Variants in RPTOR observed in about 807,000 individuals in gnomAD.
RPTOR encodes the protein regulatory-associated protein of mTOR.
RPTOR carries 21 observed loss-of-function variants against 169.9 expected under a neutral mutation model. The observed-to-expected ratio is 0.12, with a 90% CI of 0.09 to 0.18. The LOEUF (loss-of-function observed/expected upper bound fraction) is 0.18, where lower values mean the gene tolerates loss of function less well. Ranked by LOEUF, RPTOR falls within the 10% of genes least tolerant of loss-of-function variation. The pLI, the probability that RPTOR is intolerant of heterozygous loss-of-function variation, is 1.00. For missense variants in RPTOR, 1,133 were observed against 1,855.9 expected (o/e 0.61, Z 7.16); for synonymous variants, 732 against 753.2 (o/e 0.97, Z 0.46).
At chr17:80,595,451 C>T (rs895623564) in intron 1 of RPTOR, among the ~76,000 whole-genome samples, 2 of 147,916 alleles carry the variant, frequency 1.4e-5, no homozygotes, top group Admixed American at 6.8e-5. Flanking sequence ...GTCATCTTAG[C>T]AGACAGGGTT....
chr17:80,802,899 T>C (rs981630179), intron 7 of RPTOR: 3 of 152,344 alleles, frequency 2.0e-5, no homozygotes, highest in Admixed American at 6.5e-5. Flanking sequence ...TCAGCCCCCA[T>C]TGATGCCTCT....
intron 27 of RPTOR, among the ~76,000 whole-genome samples, chr17:80,948,813 G>A (rs767158583): frequency 1.3e-5 from 2 of 152,154 alleles, no homozygotes; most frequent in African/African-American, 4.8e-5. Context: ...CACCCAGGCC[G>A]ACCTCCCTGC....
chr17:80,653,433 C>T (rs2065655833), intron 3 of RPTOR, among the ~76,000 whole-genome samples: 1 of 152,222 alleles, frequency 6.6e-6, no homozygotes. Flanking sequence ...CATATATATA[C>T]TGTATAATTT....
intron 13 of RPTOR, among the ~76,000 whole-genome samples, chr17:80,862,481 C>A (rs534476404): frequency 7.2e-5 from 11 of 151,918 alleles, no homozygotes; most frequent in African/African-American, 2.4e-4. Flanking sequence ...CCTACCCCCC[C>A]ATGATGTGTG....
At chr17:80,733,139 G>T (rs999969431) in intron 5 of RPTOR, among the ~76,000 whole-genome samples, 1 of 152,142 alleles carries the variant, frequency 6.6e-6, no homozygotes, top group African/African-American at 2.4e-5. Flanking sequence ...TTTATTTATT[G>T]TTTACTTCTC....
chr17:80,606,297 A>G (rs1022307734), intron 1 of RPTOR, among the ~76,000 whole-genome samples: 1 of 144,006 alleles, frequency 6.9e-6, no homozygotes, highest in Non-Finnish European at 1.5e-5. Flanking sequence ...GGCATGAGCC[A>G]CGGTGCCTGG....
chr17:80,605,457 C>T (rs761188321), intron 1 of RPTOR, among the ~76,000 whole-genome samples: 54 of 152,246 alleles, frequency 3.5e-4, no homozygotes, highest in Middle Eastern at 3.4e-3. Context: ...AGAGAGCCTG[C>T]GCAGGGTTTT....
intron 13 of RPTOR, among the ~76,000 whole-genome samples, chr17:80,862,971 G>C (rs2067937115): frequency 6.6e-6 from 1 of 152,236 alleles, no homozygotes; most frequent in Non-Finnish European, 1.5e-5. Context: ...GCCCACTCAG[G>C]CTGGGCCCAG....
At chr17:80,615,865 C>T (rs1355762432) in intron 1 of RPTOR, among the ~76,000 whole-genome samples, 1 of 152,150 alleles carries the variant, frequency 6.6e-6, no homozygotes, top group Non-Finnish European at 1.5e-5. Context: ...TGCAGTGGGG[C>T]CCGGAGGCCT....
At chr17:80,807,621 G>C (rs1244708937) in intron 7 of RPTOR, among the ~76,000 whole-genome samples, 1 of 152,070 alleles carries the variant, frequency 6.6e-6, no homozygotes, top group Non-Finnish European at 1.5e-5. Context: ...CAAAGGGCTG[G>C]GGTTACAGGC....
chr17:80,693,102 A>G (rs1383261268), intron 3 of RPTOR, among the ~76,000 whole-genome samples: 1 of 152,230 alleles, frequency 6.6e-6, no homozygotes, highest in Non-Finnish European at 1.5e-5. Context: ...CCTCATTGGA[A>G]TCAAAGCTTC....
rs1056781270 is a variant in RPTOR, at chr17:80,730,817, G to A, written c.654+111G>A. ...GTTGGACATCCTCTGAATGGAGCAG[G>A]GCTCAGAATGCCAAGGGCAGGATGG... On this transcript the variant is annotated intron_variant, in intron 5 of 33. Coordinates refer to ENST00000306801, the MANE Select transcript of RPTOR (RefSeq NM_020761.3). This position sits in a 1 kb window ranked among gnomAD's most constrained non-coding sequence, Gnocchi z 4.2. The A allele has an allele frequency of 1.8e-6, 2 of 1,092,016 alleles. No homozygotes were observed. Among genetic ancestry groups the A allele is most frequent in the Non-Finnish European group, 2.7e-6 (2 of 749,420 alleles). 67.6% of individuals were successfully genotyped at this position (1,092,016 alleles called of 1,614,324 possible). A position where few individuals can be genotyped will look rare whatever the true frequency, so the allele number is the denominator to read the frequency against.
intron 21 of RPTOR, 51 bp downstream of exon 21, chr17:80,908,980 G>T: frequency 1.6e-6 from 2 of 1,285,580 alleles, no homozygotes; most frequent in Non-Finnish European, 2.3e-6. Flanking sequence ...TCTCGGTTAC[G>T]AGTATGCATG....
At chr17:80,782,322 A>G (rs1179684158) in intron 6 of RPTOR, among the ~76,000 whole-genome samples, 2 of 152,246 alleles carry the variant, frequency 1.3e-5, no homozygotes, top group Non-Finnish European at 2.9e-5. Context: ...ATGGCAGGAA[A>G]GATATAATGG....
At chr17:80,608,136 A>G (rs2065241791) in intron 1 of RPTOR, among the ~76,000 whole-genome samples, 2 of 152,210 alleles carry the variant, frequency 1.3e-5, no homozygotes, top group Admixed American at 6.5e-5. Context: ...AGACTCTCTC[A>G]TTTTTCAGTT....
intron 3 of RPTOR, among the ~76,000 whole-genome samples, chr17:80,702,228 GTTTTGTTTTGTT>G (rs1479873586): frequency 1.2e-4 from 18 of 151,698 alleles, no homozygotes; most frequent in East Asian, 1.2e-3. Context: ...GCCCATTTTT[GTTTTGTTTTGTT>G]TTTTGTTTTG....
chr17:80,883,395 C>T lies in RPTOR; in HGVS notation c.1585-24C>T, dbSNP rs754436112. On this transcript the variant is annotated intron_variant, in intron 14 of 33. Coordinates refer to ENST00000306801, the MANE Select transcript of RPTOR (RefSeq NM_020761.3). Reference sequence around the variant, plus strand: ...GAGAGTTTCCACTGAGGGGAGACGACCAGGACTGGTTTTTGTTTTCCAGGC... The same window carrying T: ...GAGAGTTTCCACTGAGGGGAGACGATCAGGACTGGTTTTTGTTTTCCAGGC... 1.4e-5 allele frequency: 23 copies of T among 1,612,864 alleles called. No homozygotes were observed. In the South Asian group the frequency reaches 2.4e-4, roughly 17 times the overall value.
chr17:80,760,426 C>T lies in RPTOR; in HGVS notation c.830+6241C>T, dbSNP rs561745059. ...AAGCGATTCTCCTGCCTCAGCCTCC[C>T]GAGTAGCTGGGATTACAGGTGCCCA... On this transcript the variant is annotated intron_variant, in intron 6 of 33. Transcript: ENST00000306801. 8.2e-4 allele frequency among the ~76,000 whole-genome samples: 125 copies of T among 151,626 alleles called. 1 individual carries two copies. The highest frequency in any genetic ancestry group is 2.8e-3 in the African/African-American group (114 of 41,302).
rs545559316 is a variant in RPTOR, at chr17:80,844,150, G to A, written c.1213-2323G>A. Among the ~76,000 whole-genome samples the A allele has an allele frequency of 7.3e-4, 111 of 152,292 alleles. No homozygotes were observed. The highest frequency in any genetic ancestry group is 2.4e-4 in the Non-Finnish European group (16 of 68,030). On this transcript the variant is annotated intron_variant, in intron 10 of 33. Transcript: ENST00000306801. This position sits in a 1 kb window ranked among gnomAD's most constrained non-coding sequence, Gnocchi z 4.7. ...ATGGGTGGAGACACGGGCCGCTCTC[G>A]AGATGTTTTCCGGAATATCATATAA...
Sources: allele counts gnomAD v4.1 joint callset (sites outside exome capture counted in the v4.1 genomes callset), GRCh38; gene constraint gnomAD v4.1.1; non-coding constraint Gnocchi (gnomAD v3.1); transcripts MANE v1.5; gene names NCBI Gene and HGNC (gene_info 2026-07-23, HGNC 2026-07-21).